The following SLC24A4 variants were observed in gnomAD, a reference collection of about 807,000 sequenced individuals.
The protein encoded by SLC24A4 is sodium/potassium/calcium exchanger 4.
In SLC24A4, 53 loss-of-function variants were observed where a neutral mutation model predicts 79.0. That is an observed-to-expected ratio of 0.67 (90% CI 0.54 to 0.84). SLC24A4 has a LOEUF of 0.84. Ranked by LOEUF, SLC24A4 falls within the 40% of genes least tolerant of loss-of-function variation. SLC24A4 has a pLI of 0.00. For synonymous variants in SLC24A4, 323 were observed against 323.8 expected (o/e 1.00, Z 0.03); for missense variants, 731 against 822.0 (o/e 0.89, Z 1.35).
intron 2 of SLC24A4, among the ~76,000 whole-genome samples, chr14:92,338,849 T>A (rs1885965123): frequency 6.6e-6 from 1 of 152,250 alleles, no homozygotes; most frequent in Non-Finnish European, 1.5e-5. Context: ...ATTCTTTCCC[T>A]TCTTGCTTTT....
At chr14:92,343,700 C>CCTTCCTTCCTTCCTTCCTTT (rs1566700413) in intron 2 of SLC24A4, among the ~76,000 whole-genome samples, 11 of 130,726 alleles carry the variant, frequency 8.4e-5, no homozygotes, top group African/African-American at 3.5e-4. Flanking sequence ...TTCCTTCCTT[C>CCTTCCTTCCTTCCTTCCTTT]CTTTCTTTCT....
intron 2 of SLC24A4, among the ~76,000 whole-genome samples, chr14:92,368,700 A>G (rs913321993): frequency 6.6e-5 from 10 of 152,164 alleles, no homozygotes; most frequent in Non-Finnish European, 7.4e-5. Context: ...CAGCTGCTGC[A>G]GGGGCTCTGA....
intron 2 of SLC24A4, among the ~76,000 whole-genome samples, chr14:92,335,468 C>T (rs571269558): frequency 5.9e-5 from 9 of 152,264 alleles, no homozygotes; most frequent in Non-Finnish European, 1.3e-4. Flanking sequence ...AATTCTCCTC[C>T]CTCAGCCTCC....
At position 92,474,819 on chromosome 14, in the gene SLC24A4, A is replaced by G. The variant is rs1193075301; in HGVS notation, c.1256-7861A>G. Among the ~76,000 whole-genome samples, 581 of 35,066 alleles carry G rather than the reference A, an allele frequency of 0.017. 46 individuals carry two copies. In the Admixed American group the frequency reaches 0.18, roughly 11 times the overall value. 23.0% of individuals were successfully genotyped at this position (35,066 alleles called of 152,430 possible). On this transcript the variant is annotated intron_variant, in intron 12 of 16. Transcript: ENST00000532405. ...TATATATATACATATATACATATATATACATATATATGTGTGTGTGTGTGT... is the reference window on the plus strand; with the variant it reads ...TATATATATACATATATACATATATGTACATATATATGTGTGTGTGTGTGT...
chr14:92,373,725 C>A (rs1001285117), intron 2 of SLC24A4, among the ~76,000 whole-genome samples: 1 of 152,330 alleles, frequency 6.6e-6, no homozygotes, highest in East Asian at 1.9e-4. Context: ...AGAAAGAACA[C>A]TCTTCACTTA....
chr14:92,466,034 G>C (rs1894098588), intron 12 of SLC24A4, among the ~76,000 whole-genome samples: 1 of 152,278 alleles, frequency 6.6e-6, no homozygotes. Flanking sequence ...AATGCCCTGA[G>C]GGTCATCAAA....
intron 2 of SLC24A4, among the ~76,000 whole-genome samples, chr14:92,420,318 A>C (rs1292181917): frequency 6.6e-6 from 1 of 152,126 alleles, no homozygotes; most frequent in Non-Finnish European, 1.5e-5. Flanking sequence ...TGTCTCTACT[A>C]AAAATACAAA....
At chr14:92,377,470 G>C (rs1888582090) in intron 2 of SLC24A4, among the ~76,000 whole-genome samples, 1 of 152,324 alleles carries the variant, frequency 6.6e-6, no homozygotes. Flanking sequence ...CCTGAGCTGA[G>C]TGTTGAAGAT....
At chr14:92,440,361 A>C (rs980458219) in intron 4 of SLC24A4, among the ~76,000 whole-genome samples, 1 of 152,116 alleles carries the variant, frequency 6.6e-6, no homozygotes, top group Non-Finnish European at 1.5e-5. Context: ...AGAAATGCCC[A>C]CTGGGATGAT....
intron 2 of SLC24A4, among the ~76,000 whole-genome samples, chr14:92,368,720 A>AG: frequency 6.6e-6 from 1 of 152,258 alleles, no homozygotes; most frequent in African/African-American, 2.4e-5. Flanking sequence ...AGGGTGGGGC[A>AG]GGGGGAGCCA....
intron 2 of SLC24A4, among the ~76,000 whole-genome samples, chr14:92,411,968 G>A (rs1890740501): frequency 6.6e-6 from 1 of 152,000 alleles, no homozygotes; most frequent in African/African-American, 2.4e-5. Context: ...ACCCTGGACT[G>A]AGCAAAAGAT....
intron 7 of SLC24A4, among the ~76,000 whole-genome samples, chr14:92,443,929 T>G (rs1328645532): frequency 1.3e-5 from 2 of 152,102 alleles, no homozygotes; most frequent in African/African-American, 4.8e-5. Context: ...GTGGCGGGCT[T>G]CCCTCAGAGC....
chr14:92,456,635 G>A (rs765477737), intron 12 of SLC24A4, 27 bp downstream of exon 12: 28 of 1,605,802 alleles, frequency 1.7e-5, no homozygotes, highest in East Asian at 2.2e-5. Context: ...CTGGACTCTC[G>A]GGCTACATTT....
intron 2 of SLC24A4, among the ~76,000 whole-genome samples, chr14:92,395,261 C>T (rs1378483029): frequency 2.0e-5 from 3 of 152,154 alleles, no homozygotes; most frequent in Admixed American, 6.5e-5. Flanking sequence ...ATCTGGGATG[C>T]ACCCACACTT....
At chr14:92,482,636 C>A in intron 12 of SLC24A4, 44 bp from the exon 13 acceptor site, 1 of 1,546,172 alleles carries the variant, frequency 6.5e-7, no homozygotes, top group Non-Finnish European at 8.8e-7. Flanking sequence ...TACCCAGTGT[C>A]TTTCTCTCCC....
chr14:92,492,270 C>T, intron 16 of SLC24A4, 30 bp downstream of exon 16: 2 of 1,593,662 alleles, frequency 1.3e-6, no homozygotes, highest in East Asian at 2.2e-5. Flanking sequence ...AAACAGATGC[C>T]TCATGCATAC....
rs17128200 is a variant in SLC24A4 at position 92,353,150 on chromosome 14, T to C, written c.241+27172T>C. On this transcript the variant is annotated intron_variant, in intron 2 of 16. Coordinates refer to ENST00000532405, the MANE Select transcript of SLC24A4 (RefSeq NM_153646.4). This position sits in a 1 kb window ranked among gnomAD's most constrained non-coding sequence, Gnocchi z 4.1. ...TTTAGCAGTTTGTGCATGCATAGAA[T>C]ATGGGCCTATGTGATGGCTCAAATA... Among the ~76,000 whole-genome samples, 878 of 152,292 alleles carry C rather than the reference T, an allele frequency of 5.8e-3. 7 individuals are homozygous for C. The highest frequency in any genetic ancestry group is 0.019 in the African/African-American group (801 of 41,554).
chr14:92,422,130 C>A (rs1277295370), intron 2 of SLC24A4, among the ~76,000 whole-genome samples: 1 of 152,246 alleles, frequency 6.6e-6, no homozygotes, highest in East Asian at 1.9e-4. Flanking sequence ...TAAGGGCAGG[C>A]ACTTTTGCCT....
At chr14:92,482,867 G>T (rs775923244) in intron 13 of SLC24A4, 21 bp downstream of exon 13, 3 of 1,596,812 alleles carry the variant, frequency 1.9e-6, no homozygotes, top group Non-Finnish European at 2.6e-6. Flanking sequence ...GGAGCAGGGG[G>T]TGGACTGTGT....
Sources: gnomAD v4.1 joint callset for allele counts (sites outside exome capture counted in the v4.1 genomes callset) on GRCh38, gnomAD v4.1.1 for gene constraint, Gnocchi (gnomAD v3.1) non-coding constraint, MANE v1.5 for transcripts, NCBI Gene and HGNC (gene_info 2026-07-23, HGNC 2026-07-21) for gene names.